AKAP13: variants seen among roughly 807,000 people sequenced by gnomAD.
AKAP13 encodes A-kinase anchoring protein 13.
A neutral mutation model predicts 264.5 loss-of-function variants in AKAP13; 80 were observed. The observed-to-expected ratio is 0.30, with a 90% CI of 0.25 to 0.36. The LOEUF (loss-of-function observed/expected upper bound fraction) is 0.36. Ranked by LOEUF, AKAP13 falls within the 10% of genes least tolerant of loss-of-function variation. The probability of loss-of-function intolerance (pLI) is 1.00; values close to 1 mark genes in which losing one functional copy is unlikely to be tolerated. For synonymous variants in AKAP13, 1,380 were observed against 1,250.2 expected, an observed-to-expected ratio of 1.10 and a Z score of -2.19; for missense variants, 3,712 against 3,435.2, an observed-to-expected ratio of 1.08 and a Z score of -2.01.
intron 3 of AKAP13, among the ~76,000 whole-genome samples, chr15:85,530,919 G>C (rs1436996688): frequency 6.6e-6 from 1 of 152,146 alleles, no homozygotes; most frequent in East Asian, 1.9e-4. Context: ...CTGTCTCCCA[G>C]GCTAGAGTCC....
chr15:85,526,730 G>T (rs1017402979), intron 3 of AKAP13, among the ~76,000 whole-genome samples: 5 of 152,128 alleles, frequency 3.3e-5, no homozygotes, highest in African/African-American at 7.2e-5. Flanking sequence ...CCTGCCCCTG[G>T]CAACGCCTGT....
In AKAP13 at chr15:85,485,874, A is replaced by G. The variant is rs2075525260; in HGVS notation, c.33+121A>G. 2.0e-5 allele frequency: 16 copies of G among 801,230 alleles called. No homozygotes were observed. The South Asian group carries it at 2.0e-4, about 10-fold the overall frequency. The allele number at this position is 801,230 out of a possible 1,614,324, so 49.6% of individuals were successfully genotyped here. On this transcript the variant is annotated intron_variant, in intron 2 of 36. Coordinates refer to ENST00000394518, the MANE Select transcript of AKAP13 (RefSeq NM_007200.5). Reference sequence around the variant, plus strand: ...AAATTTTAACCATATGTCCATGAATATATTGGTGTAAGACACTTCAGAAAT... The same window carrying G: ...AAATTTTAACCATATGTCCATGAATGTATTGGTGTAAGACACTTCAGAAAT...
intron 14 of AKAP13, among the ~76,000 whole-genome samples, chr15:85,675,480 G>A (rs1414706317): frequency 6.6e-6 from 1 of 152,154 alleles, no homozygotes; most frequent in Non-Finnish European, 1.5e-5. Context: ...GTCTGATAAA[G>A]GGAAGTTCAT....
Position 85,688,046 on chromosome 15 carries a change from AAAAGAG to A in AKAP13, c.5289+3175_5289+3180del, listed in dbSNP as rs1438711527. Among the ~76,000 whole-genome samples the A allele has an allele frequency of 1.4e-3, 216 of 151,204 alleles. 2 individuals are homozygous for A. The highest frequency in any genetic ancestry group is 1.9e-3 in the African/African-American group (77 of 40,840). ...CCCTGTCTCTTAAAAAAAAAAAAAA[AAAAGAG>A]AGAGAGAGGAAAGAAATAGGGGAAA... On this transcript the variant is annotated intron_variant, in intron 16 of 36. Transcript: ENST00000394518.
chr15:85,522,147 T>C (rs946260834), intron 3 of AKAP13, among the ~76,000 whole-genome samples: 4 of 152,306 alleles, frequency 2.6e-5, no homozygotes, highest in African/African-American at 9.6e-5. Flanking sequence ...ACATTTATTA[T>C]GTGTTGGTGA....
chr15:85,531,661 T>C (rs540797783), intron 3 of AKAP13, among the ~76,000 whole-genome samples: 1 of 152,234 alleles, frequency 6.6e-6, no homozygotes, highest in African/African-American at 2.4e-5. Flanking sequence ...TATTATAAAG[T>C]GTGCATGCAT....
intron 23 of AKAP13, 35 bp from the exon 24 acceptor site, chr15:85,721,956 C>A: frequency 6.2e-7 from 1 of 1,611,656 alleles, no homozygotes; most frequent in Non-Finnish European, 8.5e-7. Flanking sequence ...AGTTTGGCGC[C>A]CCATGGCATA....
At chr15:85,490,801 G>T (rs2075700400) in intron 2 of AKAP13, among the ~76,000 whole-genome samples, 1 of 152,148 alleles carries the variant, frequency 6.6e-6, no homozygotes, top group Non-Finnish European at 1.5e-5. Context: ...CCTGGTACTT[G>T]CATTGTAGTG....
intron 8 of AKAP13, among the ~76,000 whole-genome samples, chr15:85,620,773 G>A (rs1417926599): frequency 1.3e-5 from 2 of 152,150 alleles, no homozygotes; most frequent in African/African-American, 4.8e-5. Context: ...GTTGATAGCT[G>A]TATTTGTTTG....
At chr15:85,675,553 C>T (rs1397644584) in intron 14 of AKAP13, among the ~76,000 whole-genome samples, 1 of 152,146 alleles carries the variant, frequency 6.6e-6, no homozygotes, top group African/African-American at 2.4e-5. Flanking sequence ...CCAGGCTAGA[C>T]CATGGTAGGA....
chr15:85,600,685 A>T (rs1021212852), intron 8 of AKAP13, among the ~76,000 whole-genome samples: 4 of 152,368 alleles, frequency 2.6e-5, no homozygotes, highest in African/African-American at 4.8e-5. Flanking sequence ...ATTTAACAAG[A>T]TAGCCTTTTA....
At chr15:85,432,795 C>G (rs1159413169) in intron 1 of AKAP13, among the ~76,000 whole-genome samples, 1 of 152,090 alleles carries the variant, frequency 6.6e-6, no homozygotes, top group African/African-American at 2.4e-5. Context: ...CTGGGGGAGG[C>G]TCTTAGCAGA....
intron 14 of AKAP13, among the ~76,000 whole-genome samples, chr15:85,681,134 G>A (rs907928946): frequency 1.3e-5 from 2 of 152,104 alleles, no homozygotes; most frequent in Non-Finnish European, 2.9e-5. Context: ...CTGGTAGTCT[G>A]GTAGTAGAAC....
At chr15:85,462,534 G>A (rs1056992012) in intron 1 of AKAP13, among the ~76,000 whole-genome samples, 3 of 152,158 alleles carry the variant, frequency 2.0e-5, no homozygotes, top group African/African-American at 4.8e-5. Flanking sequence ...TGAAGAAACC[G>A]GAAAGTGTGA....
intron 10 of AKAP13, chr15:85,651,385 T>A (rs1459294855): frequency 6.6e-6 from 1 of 152,194 alleles, no homozygotes; most frequent in African/African-American, 2.4e-5. Flanking sequence ...TTGAGGCAAG[T>A]TACAAATATC....
At chr15:85,387,794 A>G (rs2070651811) in intron 1 of AKAP13, among the ~76,000 whole-genome samples, 1 of 152,162 alleles carries the variant, frequency 6.6e-6, no homozygotes, top group South Asian at 2.1e-4. Context: ...AATCTTATAC[A>G]TGTATTTCAT....
rs772631494 is a variant in AKAP13, at chr15:85,726,446, T to A, written c.6782T>A (p.Phe2261Tyr). Residue 2261 changes from phenylalanine to tyrosine, a missense_variant, in exon 27 of 37, where the codon TTC becomes TAC. By Grantham distance (22) the Phe-to-Tyr change is conservative. Around this residue, in one of 3 missense-constraint regions of AKAP13, gnomAD observed 342 missense variants for 484.3 expected, o/e 0.71. Transcript: ENST00000394518. Reference sequence around the variant, plus strand: ...GTTCTTCTCACTGACATTTTAGTTTTCCTTCAAGAAAAAGACCAGAAGTAC... The same window carrying A: ...GTTCTTCTCACTGACATTTTAGTTTACCTTCAAGAAAAAGACCAGAAGTAC... ...QAVLLTDILVFLQEKDQKYIF... is the reference protein window; with the variant it reads ...QAVLLTDILVYLQEKDQKYIF... 1 of 1,613,886 alleles carries A rather than the reference T, an allele frequency of 6.2e-7. No homozygotes were observed. Among genetic ancestry groups the A allele is most frequent in the South Asian group, 1.1e-5 (1 of 91,032 alleles).
chr15:85,397,456 A>T (rs981185763), intron 1 of AKAP13, among the ~76,000 whole-genome samples: 1 of 152,190 alleles, frequency 6.6e-6, no homozygotes, highest in South Asian at 2.1e-4. Flanking sequence ...TTCATCTGTG[A>T]GATACCTCGG....
intron 17 of AKAP13, among the ~76,000 whole-genome samples, chr15:85,696,719 A>T (rs919298048): frequency 5.3e-5 from 8 of 152,308 alleles, no homozygotes; most frequent in South Asian, 2.1e-4. Flanking sequence ...TCTATTTTTT[A>T]AAAAATTAAT....
Sources: allele counts gnomAD v4.1 joint callset (sites outside exome capture counted in the v4.1 genomes callset), GRCh38; gene constraint gnomAD v4.1.1; regional missense constraint gnomAD v4.1.1; transcripts MANE v1.5; gene names NCBI Gene and HGNC (gene_info 2026-07-23, HGNC 2026-07-21).